Variants in PDE5A observed in about 807,000 individuals in gnomAD.
PDE5A encodes phosphodiesterase 5A.
Under a neutral mutation model 110.2 loss-of-function variants are expected in PDE5A, and 67 were observed. The observed-to-expected ratio is 0.61, with a 90% CI of 0.50 to 0.75. The LOEUF (loss-of-function observed/expected upper bound fraction) is 0.75, where lower values mean the gene tolerates loss of function less well. Among genes scored for constraint, PDE5A ranks in the 30% least tolerant of loss-of-function variants. PDE5A has a pLI of 0.00. For synonymous variants in PDE5A, 328 were observed against 351.2 expected (o/e 0.93, Z 0.74); for missense variants, 862 against 1,045.1 (o/e 0.82, Z 2.42).
chr4:119,534,826 G>A (rs1406026899), intron 11 of PDE5A, among the ~76,000 whole-genome samples: 2 of 152,148 alleles, frequency 1.3e-5, no homozygotes, highest in Non-Finnish European at 2.9e-5. Context: ...GCCCCTTACT[G>A]CTGTCACCTG....
chr4:119,577,343 A>G (rs1728395120), intron 3 of PDE5A, among the ~76,000 whole-genome samples: 1 of 152,244 alleles, frequency 6.6e-6, no homozygotes, highest in Non-Finnish European at 1.5e-5. Context: ...TTATGAGGCC[A>G]GCATCATCCT....
chr4:119,626,125 A>G (rs1033646375), intron 1 of PDE5A, among the ~76,000 whole-genome samples: 20 of 152,328 alleles, frequency 1.3e-4, no homozygotes, highest in African/African-American at 4.8e-4. Flanking sequence ...TGCCAACATC[A>G]ACTGTAATTT....
intron 3 of PDE5A, among the ~76,000 whole-genome samples, chr4:119,581,369 A>G (rs1057477155): frequency 1.3e-5 from 2 of 152,196 alleles, no homozygotes; most frequent in Non-Finnish European, 2.9e-5. Context: ...CTAACCACAT[A>G]TGTAGCCACT....
chr4:119,604,001 C>T (rs1375384853), intron 2 of PDE5A, among the ~76,000 whole-genome samples: 1 of 152,164 alleles, frequency 6.6e-6, no homozygotes, highest in Non-Finnish European at 1.5e-5. Flanking sequence ...CAACTGACTT[C>T]CACTGCTAAT....
At chr4:119,583,875 T>C (rs1728670364) in intron 3 of PDE5A, among the ~76,000 whole-genome samples, 1 of 152,176 alleles carries the variant, frequency 6.6e-6, no homozygotes, top group South Asian at 2.1e-4. Flanking sequence ...GTAAAGCAGA[T>C]GTGTGGTCCA....
chr4:119,579,325 A>C (rs1396287107), intron 3 of PDE5A, among the ~76,000 whole-genome samples: 6 of 152,290 alleles, frequency 3.9e-5, no homozygotes, highest in East Asian at 1.9e-4. Flanking sequence ...TTGACCCAGC[A>C]ATCCCATTAC....
intron 9 of PDE5A, among the ~76,000 whole-genome samples, chr4:119,545,486 C>G (rs1474224131): frequency 6.6e-6 from 1 of 152,062 alleles, no homozygotes; most frequent in Non-Finnish European, 1.5e-5. Flanking sequence ...TAAGTGCAAT[C>G]ACAAAATAAA....
intron 5 of PDE5A, among the ~76,000 whole-genome samples, chr4:119,563,628 G>A (rs1727821549): frequency 6.6e-6 from 1 of 152,020 alleles, no homozygotes; most frequent in Admixed American, 6.6e-5. Context: ...CAGAGAAAGT[G>A]GTATACTGAA....
intron 3 of PDE5A, among the ~76,000 whole-genome samples, chr4:119,580,022 C>T (rs1024537015): frequency 2.5e-4 from 38 of 152,114 alleles, no homozygotes; most frequent in African/African-American, 8.2e-4. Flanking sequence ...TTAGGGAGGA[C>T]GTCGCTCCCC....
chr4:119,510,524 T>C (rs1290073745), intron 15 of PDE5A, among the ~76,000 whole-genome samples: 1 of 152,078 alleles, frequency 6.6e-6, no homozygotes, highest in Non-Finnish European at 1.5e-5. Context: ...AATATCCTGG[T>C]GCATATTATG....
intron 7 of PDE5A, among the ~76,000 whole-genome samples, chr4:119,559,420 A>G (rs1018167564): frequency 1.3e-5 from 2 of 152,210 alleles, no homozygotes; most frequent in Non-Finnish European, 2.9e-5. Context: ...TTTTAATATG[A>G]TTATCATACT....
rs746461999 is a variant in PDE5A at position 119,525,677 on chromosome 4, C to T, written c.1651G>A (p.Ala551Thr). 33 of 1,611,278 alleles carry T rather than the reference C, an allele frequency of 2.0e-5. No homozygotes were observed. The highest frequency in any genetic ancestry group is 2.8e-5 in the Non-Finnish European group (33 of 1,178,946). The change falls in exon 12 of 21, where the codon GCC becomes ACC. Residue 551 changes from alanine (A) to threonine (T), a missense_variant. Coordinates refer to ENST00000354960, the MANE Select transcript of PDE5A (RefSeq NM_001083.4). This position sits in a 1 kb window ranked among gnomAD's most constrained non-coding sequence, Gnocchi z 4.3. ...AAGTCAGTAATTTTAAGGGTCTGGG[C>T]AGATGGCACCACAGCAGCCTTGGGT... ...QSLAAAVVPS[A>T]QTLKITDFSF...
At chr4:119,598,954 G>A (rs1369178592) in intron 2 of PDE5A, among the ~76,000 whole-genome samples, 1 of 152,128 alleles carries the variant, frequency 6.6e-6, no homozygotes, top group Non-Finnish European at 1.5e-5. Context: ...ACCTGCTGAA[G>A]GCTAAAAACT....
rs200945803 is a variant in PDE5A at position 119,552,655 on chromosome 4, G to T, written c.1309-18C>A. 322 of 1,316,046 alleles carry T rather than the reference G, an allele frequency of 2.4e-4. 2 individuals are homozygous for T. The South Asian group carries it at 2.7e-3, about 11-fold the overall frequency. The allele number at this position is 1,316,046 out of a possible 1,614,324, so 81.5% of individuals were successfully genotyped here. On this transcript the variant is annotated intron_variant, in intron 8 of 20. Transcript: ENST00000354960. ...TTTTCAGTCTAAACAAAAATAAAAAGAACAAAACAGCTAAAATGGTAAAGA... is the reference window on the plus strand; with the variant it reads ...TTTTCAGTCTAAACAAAAATAAAAATAACAAAACAGCTAAAATGGTAAAGA...
At chr4:119,544,595 T>A (rs1727068860) in intron 9 of PDE5A, among the ~76,000 whole-genome samples, 1 of 152,224 alleles carries the variant, frequency 6.6e-6, no homozygotes, top group Non-Finnish European at 1.5e-5. Context: ...TATCCTCACA[T>A]CACAATGGAA....
chr4:119,612,760 T>A (rs545076554), intron 1 of PDE5A, among the ~76,000 whole-genome samples: 1 of 152,344 alleles, frequency 6.6e-6, no homozygotes, highest in East Asian at 1.9e-4. Flanking sequence ...GATCTTGGAC[T>A]TCCCAGCATC....
chr4:119,598,841 G>T (rs1729243498), intron 2 of PDE5A, among the ~76,000 whole-genome samples: 3 of 152,138 alleles, frequency 2.0e-5, no homozygotes, highest in Non-Finnish European at 1.5e-5. Flanking sequence ...CTGTGCTGGG[G>T]GGTTGGAAGG....
intron 3 of PDE5A, 93 bp from the exon 4 acceptor site, chr4:119,567,237 G>T: frequency 2.1e-6 from 2 of 931,424 alleles, no homozygotes; most frequent in Non-Finnish European, 3.5e-6. Flanking sequence ...TATCCTGCAT[G>T]TGCTTTAAAA....
At chr4:119,553,847 TA>T in intron 7 of PDE5A, 101 bp from the exon 8 acceptor site, 1 of 662,814 alleles carries the variant, frequency 1.5e-6, no homozygotes, top group Non-Finnish European at 2.7e-6. Flanking sequence ...AGCCTTAAAT[TA>T]TAAGGCATAT....
Sources: gnomAD v4.1 joint callset for allele counts (sites outside exome capture counted in the v4.1 genomes callset) on GRCh38, gnomAD v4.1.1 for gene constraint, Gnocchi (gnomAD v3.1) non-coding constraint, MANE v1.5 for transcripts, NCBI Gene and HGNC (gene_info 2026-07-23, HGNC 2026-07-21) for gene names.